Variants in EIF2B5 observed in about 807,000 individuals in gnomAD.
EIF2B5 encodes eukaryotic translation initiation factor 2B subunit epsilon, also known as translation initiation factor eIF2B subunit epsilon.
EIF2B5 carries 38 observed loss-of-function variants against 87.3 expected under a neutral mutation model. The ratio of observed to expected loss-of-function variants is 0.44; its 90% CI spans 0.34 to 0.57. The LOEUF (loss-of-function observed/expected upper bound fraction) is 0.57, where lower values mean the gene tolerates loss of function less well. Ranked by LOEUF, EIF2B5 falls within the 20% of genes least tolerant of loss-of-function variation. The probability of loss-of-function intolerance (pLI) is 0.02; values close to 1 mark genes in which losing one functional copy is unlikely to be tolerated. For synonymous variants in EIF2B5, 313 were observed against 339.6 expected (o/e 0.92, Z 0.86); for missense variants, 784 against 909.5 (o/e 0.86, Z 1.78).
Position 184,142,079 on chromosome 3 carries a change from TG to T in EIF2B5, c.1302+10del. 1 of 1,614,148 alleles carries T rather than the reference TG, an allele frequency of 6.2e-7. No homozygotes were observed. Among genetic ancestry groups the T allele is most frequent in the Non-Finnish European group, 8.5e-7 (1 of 1,180,038 alleles). ...CTGTCCTCACTTCCCAGGTGAGACC[TG>T]ATCTATACTGTGCACAGGCCCTGAA... On this transcript the variant is annotated intron_variant, in intron 8 of 15. Coordinates refer to ENST00000648915, the MANE Select transcript of EIF2B5 (RefSeq NM_003907.3). This position sits in a 1 kb window ranked among gnomAD's most constrained non-coding sequence, Gnocchi z 5.0.
chr3:184,140,394 G>A, intron 6 of EIF2B5, 24 bp from the exon 7 acceptor site: 2 of 1,613,446 alleles, frequency 1.2e-6, no homozygotes, highest in South Asian at 1.1e-5. Flanking sequence ...TTGCTTAGGT[G>A]ACCTCCCTTT....
chr3:184,135,875 G>A (rs972658613), intron 1 of EIF2B5: 3 of 499,842 alleles, frequency 6.0e-6, no homozygotes, highest in Non-Finnish European at 1.1e-5. Flanking sequence ...GCCCCTAGAA[G>A]AGGCTGCGCC....
chr3:184,142,459 G>A lies in EIF2B5; in HGVS notation c.1445-43G>A. 1.2e-6 allele frequency: 2 copies of A among 1,614,118 alleles called. No homozygotes were observed. The highest frequency in any genetic ancestry group is 2.2e-5 in the South Asian group (2 of 91,056). On this transcript the variant is annotated intron_variant, in intron 9 of 15. Transcript: ENST00000648915. This position sits in a 1 kb window ranked among gnomAD's most constrained non-coding sequence, Gnocchi z 5.0. ...CCAGTGTTTCCTCCTGGAGGGATTGGTGCTTCCGCCGGGCCCTCTCTATAG... is the reference window on the plus strand; with the variant it reads ...CCAGTGTTTCCTCCTGGAGGGATTGATGCTTCCGCCGGGCCCTCTCTATAG...
intron 5 of EIF2B5, among the ~76,000 whole-genome samples, chr3:184,139,270 ATTT>A (rs1196978595): frequency 1.8e-3 from 88 of 48,010 alleles, no homozygotes; most frequent in South Asian, 3.5e-3. Flanking sequence ...TGCACCCAGC[ATTT>A]TTTTTTTTTT....
Position 184,135,502 on chromosome 3 carries a change from G to A in EIF2B5, c.117G>A (p.Pro39=). The A allele has an allele frequency of 6.3e-7, 1 of 1,580,618 alleles. No homozygotes were observed. The highest frequency in any genetic ancestry group is 1.2e-5 in the South Asian group (1 of 86,790). ...GGGARGAEEE[P]PPPLQAVLVA... is the part of the protein sequence containing the mutation. ...GAGCCAGAGGGGCGGAGGAGGAACC[G>A]CCGCCGCCCCTACAAGCAGTTCTGG... Residue 39 remains proline (P), a synonymous_variant, in exon 1 of 16, where the codon CCG becomes CCA. Transcript: ENST00000648915.
chr3:184,143,808 G>A (rs1171291744), intron 13 of EIF2B5: 1 of 674,750 alleles, frequency 1.5e-6, no homozygotes, highest in Non-Finnish European at 2.5e-6. Flanking sequence ...ATTCAGAATG[G>A]ACCTGGACAT....
intron 5 of EIF2B5, 114 bp from the exon 6 acceptor site, chr3:184,139,966 T>A: frequency 1.3e-6 from 1 of 759,718 alleles, no homozygotes. Flanking sequence ...GAGGTTGCAG[T>A]GAGCCGAGAT....
chr3:184,143,302 C>T (rs1713725598), intron 12 of EIF2B5, 140 bp from the exon 13 acceptor site: 2 of 1,501,462 alleles, frequency 1.3e-6, no homozygotes, highest in East Asian at 4.6e-5. Context: ...GTTCTAGCCT[C>T]AGCATAGACT....
chr3:184,143,349 A>G, intron 12 of EIF2B5, 93 bp from the exon 13 acceptor site: 1 of 1,606,194 alleles, frequency 6.2e-7, no homozygotes, highest in Non-Finnish European at 8.5e-7. Context: ...ATATTGTTCC[A>G]TCCAGATTCC....
chr3:184,144,534 C>A, intron 14 of EIF2B5, 63 bp from the exon 15 acceptor site: 1 of 1,448,802 alleles, frequency 6.9e-7, no homozygotes, highest in Non-Finnish European at 9.7e-7. Flanking sequence ...ATCTGAGGGC[C>A]TGGTAGAGTA....
rs1405454652 is a variant in EIF2B5 at position 184,136,849 on chromosome 3, A to G, written c.320+113A>G. 15 of 1,456,574 alleles carry G rather than the reference A, an allele frequency of 1.0e-5. No individual in the cohort carries two copies. The Admixed American group carries it at 2.5e-4, about 24-fold the overall frequency. The allele number at this position is 1,456,574 out of a possible 1,614,324, so 90.2% of individuals were successfully genotyped here. On this transcript the variant is annotated intron_variant, in intron 2 of 15. Coordinates refer to ENST00000648915, the MANE Select transcript of EIF2B5 (RefSeq NM_003907.3). ...GGAAAAATGTGTCTACTTAGATGTCATTGTAAGTTCTAAGGGTATTTTCTA... is the reference window on the plus strand; with the variant it reads ...GGAAAAATGTGTCTACTTAGATGTCGTTGTAAGTTCTAAGGGTATTTTCTA...
At chr3:184,140,989 A>G in intron 7 of EIF2B5, 1 of 551,394 alleles carries the variant, frequency 1.8e-6, no homozygotes, top group Non-Finnish European at 3.3e-6. Context: ...TAGATAATTA[A>G]CATGCAGTAA....
In EIF2B5 at chr3:184,138,093, G is replaced by C; in HGVS notation, c.684+18G>C. ...TTCCTCTGGTGTGTGGATATCTGGG[G>C]TCCTTTGAGATGGGGAAGTGACAGG... On this transcript the variant is annotated intron_variant, in intron 4 of 15. Transcript: ENST00000648915. 1 of 1,614,174 alleles carries C rather than the reference G, an allele frequency of 6.2e-7. No individual in the cohort carries two copies. The highest frequency in any genetic ancestry group is 1.1e-5 in the South Asian group (1 of 91,084).
At chr3:184,135,665 A>C (rs1713318059) in intron 1 of EIF2B5, 85 bp downstream of exon 1, 1 of 1,518,400 alleles carries the variant, frequency 6.6e-7, no homozygotes, top group Non-Finnish European at 8.9e-7. Context: ...CTACAACAGC[A>C]TGCCCTTGAA....
intron 13 of EIF2B5, chr3:184,143,780 C>A: frequency 1.4e-6 from 1 of 719,954 alleles, no homozygotes; most frequent in South Asian, 1.8e-5. Context: ...TCATACCATC[C>A]TAGGCCCACA....
rs888733242 is a variant in EIF2B5 at position 184,141,779 on chromosome 3, G to T, written c.1157-146G>T. 1.2e-5 allele frequency: 11 copies of T among 935,578 alleles called. No individual in the cohort carries two copies. In the Admixed American group the frequency reaches 1.8e-4, roughly 15 times the overall value. 58.0% of individuals were successfully genotyped at this position (935,578 alleles called of 1,614,324 possible). On this transcript the variant is annotated intron_variant, in intron 7 of 15. Coordinates refer to ENST00000648915, the MANE Select transcript of EIF2B5 (RefSeq NM_003907.3). Reference sequence around the variant, plus strand: ...CTTCTCAGGCCTGGGCTTAGGGGGTGAGTGGGTGTTTCTGGTGACTTGCGG... The same window carrying T: ...CTTCTCAGGCCTGGGCTTAGGGGGTTAGTGGGTGTTTCTGGTGACTTGCGG...
chr3:184,135,651 C>A, intron 1 of EIF2B5, 71 bp downstream of exon 1: 1 of 1,535,830 alleles, frequency 6.5e-7, no homozygotes, highest in Non-Finnish European at 8.8e-7. Context: ...CTCATTTCGG[C>A]TAACTACAAC....
At chr3:184,136,257 G>A (rs1255504408) in intron 1 of EIF2B5, among the ~76,000 whole-genome samples, 1 of 152,206 alleles carries the variant, frequency 6.6e-6, no homozygotes, top group Non-Finnish European at 1.5e-5. Flanking sequence ...ACTTAGAAAG[G>A]GATCAAGGAA....
Position 184,144,603 on chromosome 3 carries a change from A to T in EIF2B5, c.2002A>T (p.Met668Leu). Residue 668 changes from methionine to leucine, a missense_variant, in exon 15 of 16, where the codon ATG becomes TTG. Around this residue, in one of 3 missense-constraint regions of EIF2B5, gnomAD observed 660 missense variants for 789.5 expected, o/e 0.84. Transcript: ENST00000648915. The stretch of plus-strand genomic sequence containing the variant: ...CTTTATTGGCCTTTTGCAGGTACTG[A>T]TGGCTTTCTACCAGCTGGAGATCCT... ...ALGISMAKVLMAFYQLEILAE... is the reference protein window; with the variant it reads ...ALGISMAKVLLAFYQLEILAE... 6.2e-7 allele frequency: 1 copy of T among 1,614,030 alleles called. No individual in the cohort carries two copies. Among genetic ancestry groups the T allele is most frequent in the African/African-American group, 1.3e-5 (1 of 75,012 alleles).
Sources: gnomAD v4.1 joint callset for allele counts (sites outside exome capture counted in the v4.1 genomes callset) on GRCh38, gnomAD v4.1.1 for gene constraint, gnomAD v4.1.1 regional missense constraint, Gnocchi (gnomAD v3.1) non-coding constraint, MANE v1.5 for transcripts, NCBI Gene and HGNC (gene_info 2026-07-23, HGNC 2026-07-21) for gene names.